Variants in IFT172 observed in about 807,000 individuals in gnomAD.
The protein encoded by IFT172 is intraflagellar transport 172.
IFT172 carries 164 observed loss-of-function variants against 248.9 expected under a neutral mutation model. That is an observed-to-expected ratio of 0.66 (90% CI 0.58 to 0.75). IFT172 has a LOEUF of 0.75. IFT172 is among the 30% of genes least tolerant of loss of function. The pLI, the probability that IFT172 is intolerant of heterozygous loss-of-function variation, is 0.00. For missense variants in IFT172, 1,950 were observed against 2,192.4 expected (o/e 0.89, Z 2.21); for synonymous variants, 729 against 791.6 (o/e 0.92, Z 1.33).
rs765641043 is a variant in IFT172, at chr2:27,461,477, T to A, written c.2234A>T (p.Gln745Leu). The A allele has an allele frequency of 3.1e-6, 5 of 1,613,936 alleles. No individual in the cohort carries two copies. The highest frequency in any genetic ancestry group is 4.2e-6 in the Non-Finnish European group (5 of 1,179,924). ...CTCTTGCTGTGTGTCCATCAGCCACTGGTAGTAACTACGACGTAGCTTCTC... is the reference window on the plus strand; with the variant it reads ...CTCTTGCTGTGTGTCCATCAGCCACAGGTAGTAACTACGACGTAGCTTCTC... ...ALEKLRRSYY[Q>L]WLMDTQQEER... The change falls in exon 22 of 48, where the codon CAG (glutamine) becomes CTG (leucine). Residue 745 changes from glutamine (Q) to leucine (L), a missense_variant. Coordinates refer to ENST00000260570, the MANE Select transcript of IFT172 (RefSeq NM_015662.3).
rs184683674 is a variant in IFT172, at chr2:27,473,333, T to G, written c.1412-971A>C. Among the ~76,000 whole-genome samples, 1,210 of 134,064 alleles carry G rather than the reference T, an allele frequency of 9.0e-3. 20 individuals carry two copies. The highest frequency in any genetic ancestry group is 0.032 in the African/African-American group (1,139 of 35,072). 88.0% of individuals were successfully genotyped at this position (134,064 alleles called of 152,430 possible). A position where few individuals can be genotyped will look rare whatever the true frequency, so the allele number is the denominator to read the frequency against. ...TGCAGTGAGCTGAGATCGCGCCACT[T>G]CACTCCAGCCTGGATGACAGAGCAA... On this transcript the variant is annotated intron_variant, in intron 14 of 47. Transcript: ENST00000260570.
In IFT172 at chr2:27,474,119, C is replaced by T. The variant is rs531267743; in HGVS notation, c.1412-1757G>A. Among the ~76,000 whole-genome samples the T allele has an allele frequency of 3.6e-4, 55 of 152,260 alleles. No individual in the cohort carries two copies. The East Asian group carries it at 0.01, about 29-fold the overall frequency. The stretch of plus-strand genomic sequence containing the variant: ...CACCGTACCCGGCCTTGAACTCTGT[C>T]ATTTTACATACATTGAAAATGAGAC... On this transcript the variant is annotated intron_variant, in intron 14 of 47. Transcript: ENST00000260570.
chr2:27,462,601 C>A (rs908237898), intron 20 of IFT172, 100 bp downstream of exon 20: 17 of 1,006,592 alleles, frequency 1.7e-5, no homozygotes, highest in Admixed American at 1.4e-4. Context: ...CCTTTGGAAG[C>A]CTAGTTCACC....
chr2:27,450,657 A>G (rs1054223847), intron 35 of IFT172, among the ~76,000 whole-genome samples: 2 of 152,074 alleles, frequency 1.3e-5, no homozygotes, highest in African/African-American at 4.8e-5. Context: ...GTGGCACAAT[A>G]TCAGCTCACT....
Position 27,489,738 on chromosome 2 carries a change from G to GT in IFT172, c.-86_-85insA. On this transcript the variant is annotated 5_prime_UTR_variant, in exon 1 of 48. Transcript: ENST00000260570. ...AACCCGCCACGCAGCCGCAGCGACA[G>GT]GCACTGACGCTTATGCGACCGGAGC... 14 of 1,050,910 alleles carry GT rather than the reference G, an allele frequency of 1.3e-5. No individual in the cohort carries two copies. The highest frequency in any genetic ancestry group is 2.8e-4 in the Middle Eastern group (1 of 3,516). The allele number at this position is 1,050,910 out of a possible 1,614,324, so 65.1% of individuals were successfully genotyped here.
chr2:27,471,112 C>T lies in IFT172; in HGVS notation c.1525-17G>A, dbSNP rs187471043. 65 of 1,604,028 alleles carry T rather than the reference C, an allele frequency of 4.1e-5. No individual in the cohort carries two copies. The East Asian group carries it at 1.4e-3, about 35-fold the overall frequency. On this transcript the variant is annotated splice_polypyrimidine_tract_variant and intron_variant, in intron 15 of 47. Coordinates refer to ENST00000260570, the MANE Select transcript of IFT172 (RefSeq NM_015662.3). The stretch of plus-strand genomic sequence containing the variant: ...CAGATGCAACTGAAGAAAGAAAAGG[C>T]AGGTAACACAATTACAAGGGGATGT...
Position 27,449,601 on chromosome 2 carries a change from G to T in IFT172, c.4161-39C>A, listed in dbSNP as rs774944044. 2.5e-6 allele frequency: 4 copies of T among 1,613,744 alleles called. No homozygotes were observed. The Admixed American group carries it at 6.7e-5, about 27-fold the overall frequency. On this transcript the variant is annotated intron_variant, in intron 37 of 47. Coordinates refer to ENST00000260570, the MANE Select transcript of IFT172 (RefSeq NM_015662.3). ...CAGAGAGCTCCATCTTCATGTTCCA[G>T]AATACCAACCCTCCCGGTAAGACTT...
At chr2:27,456,683 C>A in intron 29 of IFT172, 30 bp from the exon 30 acceptor site, 1 of 1,604,140 alleles carries the variant, frequency 6.2e-7, no homozygotes, top group Non-Finnish European at 8.5e-7. Context: ...AATAATCCTG[C>A]AATACAGAGC....
At chr2:27,450,468 A>G (rs1448112132) in intron 35 of IFT172, among the ~76,000 whole-genome samples, 1 of 152,150 alleles carries the variant, frequency 6.6e-6, no homozygotes. Context: ...TTCTGTAACT[A>G]TTTGTGTTGG....
At chr2:27,457,564 G>C in intron 29 of IFT172, 75 bp downstream of exon 29, 2 of 1,281,058 alleles carry the variant, frequency 1.6e-6, no homozygotes, top group Non-Finnish European at 2.3e-6. Flanking sequence ...GACAGAGTGA[G>C]ACCCTTTCTG....
chr2:27,453,376 G>A lies in IFT172; in HGVS notation c.3951+8C>T, dbSNP rs778266153. The A allele has an allele frequency of 5.6e-6, 9 of 1,614,080 alleles. No homozygotes were observed. Among genetic ancestry groups the A allele is most frequent in the Non-Finnish European group, 6.8e-6 (8 of 1,180,046 alleles). On this transcript the variant is annotated splice_region_variant and intron_variant, in intron 35 of 47. Transcript: ENST00000260570. ...GAAGGAGGGCCAGAAAGGGCCTGCTGTCCTCACCTTCATCCAGCACTTCTC... is the reference window on the plus strand; with the variant it reads ...GAAGGAGGGCCAGAAAGGGCCTGCTATCCTCACCTTCATCCAGCACTTCTC...
In IFT172 at chr2:27,485,396, C is replaced by A. The variant is rs761894956; in HGVS notation, c.147G>T (p.Arg49=). The change falls in exon 2 of 48, where the codon CGG becomes CGT. Residue 49 remains arginine (R), a synonymous_variant. Transcript: ENST00000260570. The stretch of plus-strand genomic sequence containing the variant: ...CTGGTTTGGTGGAGAATTTATCTCT[C>A]CGTTCTCCATGTTCATCATACAGCA... ...VVLLYDEHGE[R]RDKFSTKPAD... 28 of 1,614,154 alleles carry A rather than the reference C, an allele frequency of 1.7e-5. No homozygotes were observed. The highest frequency in any genetic ancestry group is 2.3e-5 in the Non-Finnish European group (27 of 1,180,038).
In IFT172 at chr2:27,459,434, C is replaced by T. The variant is rs1666447003; in HGVS notation, c.2731G>A (p.Ala911Thr). ...YILDLQDRNT[A>T]SKYYPLVAQH... Reference sequence around the variant, plus strand: ...GCCACGAGAGGATAGTATTTGGATGCAGTGTTCCGGTCCTGTAGATCTAAT... The same window carrying T: ...GCCACGAGAGGATAGTATTTGGATGTAGTGTTCCGGTCCTGTAGATCTAAT... Residue 911 changes from alanine (A) to threonine (T), a missense_variant, in exon 25 of 48, where the codon GCA becomes ACA. Around this residue, in one of 3 missense-constraint regions of IFT172, gnomAD observed 1,166 missense variants for 1,254.1 expected, o/e 0.93. Transcript: ENST00000260570. 1.2e-6 allele frequency: 2 copies of T among 1,614,196 alleles called. No individual in the cohort carries two copies. The highest frequency in any genetic ancestry group is 1.3e-5 in the African/African-American group (1 of 75,048).
In IFT172 at chr2:27,445,851, A is replaced by G. The variant is rs371396353; in HGVS notation, c.4816-8T>C. ...AGTCCCTTCCTCGATTGCCTGCAGTAGAGTGGGCAACCATGAACTAGGCAC... is the reference window on the plus strand; with the variant it reads ...AGTCCCTTCCTCGATTGCCTGCAGTGGAGTGGGCAACCATGAACTAGGCAC... On this transcript the variant is annotated splice_region_variant and splice_polypyrimidine_tract_variant and intron_variant, in intron 44 of 47. Transcript: ENST00000260570. This position sits in a 1 kb window ranked among gnomAD's most constrained non-coding sequence, Gnocchi z 4.4. 6.9e-5 allele frequency: 111 copies of G among 1,614,090 alleles called. No individual in the cohort carries two copies. The highest frequency in any genetic ancestry group is 4.9e-4 in the Middle Eastern group (3 of 6,084).
At chr2:27,474,404 G>GA (rs1012380227) in intron 14 of IFT172, among the ~76,000 whole-genome samples, 4 of 152,008 alleles carry the variant, frequency 2.6e-5, no homozygotes, top group African/African-American at 9.6e-5. Context: ...TAAACATATG[G>GA]AAAAAAATAA....
At chr2:27,453,170 C>A in intron 35 of IFT172, 1 of 708,636 alleles carries the variant, frequency 1.4e-6, no homozygotes, top group East Asian at 2.8e-5. Context: ...GGTCTAATTC[C>A]CCTAACTTTT....
rs866404849 is a variant in IFT172 at position 27,445,747 on chromosome 2, G to A, written c.4912C>T (p.Pro1638Ser). 7.4e-6 allele frequency: 12 copies of A among 1,614,148 alleles called. No homozygotes were observed. The Middle Eastern group carries it at 2.0e-3, about 266-fold the overall frequency. ...GTTTTCCAACCCTGTGCCCTTACCG[G>A]TACATGCTGCTTAGCTGGGAGTGGC... ...EVPLPAKQHVPEAEREEVRDW... is the reference protein window; with the variant it reads ...EVPLPAKQHVSEAEREEVRDW... The change falls in exon 45 of 48, where the codon CCG (proline) becomes TCG (serine). Residue 1638 changes from proline (P) to serine (S), a missense_variant and splice_region_variant. Physicochemically the swap from Pro to Ser is moderately conservative, Grantham distance 74. Around this residue, in one of 3 missense-constraint regions of IFT172, gnomAD observed 620 missense variants for 699.0 expected, o/e 0.89. Transcript: ENST00000260570. This position sits in a 1 kb window ranked among gnomAD's most constrained non-coding sequence, Gnocchi z 4.4.
At chr2:27,477,503 A>C in intron 12 of IFT172, 56 bp downstream of exon 12, 1 of 1,356,630 alleles carries the variant, frequency 7.4e-7, no homozygotes. Context: ...TCTTTATGAC[A>C]CAGAAGCTAG....
At chr2:27,489,532 G>T in intron 1 of IFT172, 83 bp downstream of exon 1, 1 of 1,017,318 alleles carries the variant, frequency 9.8e-7, no homozygotes. Flanking sequence ...CACAGTAGGA[G>T]GTCAACATCA....
Sources: gnomAD v4.1 joint callset for allele counts (sites outside exome capture counted in the v4.1 genomes callset) on GRCh38, gnomAD v4.1.1 for gene constraint, gnomAD v4.1.1 regional missense constraint, Gnocchi (gnomAD v3.1) non-coding constraint, MANE v1.5 for transcripts, NCBI Gene and HGNC (gene_info 2026-07-23, HGNC 2026-07-21) for gene names.